The following DIP2C variants were observed in gnomAD, a reference collection of about 807,000 sequenced individuals.
DIP2C encodes the protein disco-interacting protein 2 homolog C.
Under a neutral mutation model 192.4 loss-of-function variants are expected in DIP2C, and 33 were observed. The ratio of observed to expected loss-of-function variants is 0.17; its 90% CI spans 0.13 to 0.23. DIP2C has a LOEUF of 0.23. Among genes scored for constraint, DIP2C ranks in the 10% least tolerant of loss-of-function variants. The pLI, the probability that DIP2C is intolerant of heterozygous loss-of-function variation, is 1.00. For synonymous variants in DIP2C, 979 were observed against 864.1 expected (o/e 1.13, Z -2.33); for missense variants, 1,537 against 2,110.1 (o/e 0.73, Z 5.32).
In DIP2C at chr10:414,745, A is replaced by C. The variant is rs879321009; in HGVS notation, c.860-635T>G. On this transcript the variant is annotated intron_variant, in intron 7 of 36. Transcript: ENST00000280886. ...TGTGTGTGTGTGTGTGTGTGTACAT[A>C]TATATATATATAATGTGTATATATA... 2.2e-4 allele frequency among the ~76,000 whole-genome samples: 20 copies of C among 90,882 alleles called. 1 individual carries two copies. The highest frequency in any genetic ancestry group is 3.4e-4 in the Non-Finnish European group (15 of 43,524). The allele number at this position is 90,882 out of a possible 152,430, so 59.6% of individuals were successfully genotyped here. A position where few individuals can be genotyped will look rare whatever the true frequency, so the allele number is the denominator to read the frequency against.
At chr10:535,464 CA>C in intron 1 of DIP2C, among the ~76,000 whole-genome samples, 1 of 152,208 alleles carries the variant, frequency 6.6e-6, no homozygotes, top group Non-Finnish European at 1.5e-5. Flanking sequence ...AGGAGGCAGA[CA>C]CTTGGCTGTA....
chr10:426,542 G>C (rs1004653186), intron 4 of DIP2C, among the ~76,000 whole-genome samples: 1 of 152,148 alleles, frequency 6.6e-6, no homozygotes, highest in Admixed American at 6.5e-5. Context: ...ACCTACAATA[G>C]CCAAAATAAT....
chr10:364,492 C>T lies in DIP2C; in HGVS notation c.2359G>A (p.Val787Ile), dbSNP rs780374684. The T allele has an allele frequency of 8.7e-6, 14 of 1,614,142 alleles. No homozygotes were observed. Among genetic ancestry groups the T allele is most frequent in the South Asian group, 3.3e-5 (3 of 91,082 alleles). ...CCATCCATCTTGCCCACCACGAAGA[C>T]GAGGCCTCCGGGACCCACGAACCCC... The part of the protein sequence containing the change: ...LLGFVGPGGL[V>I]FVVGKMDGLM... The change falls in exon 20 of 37, where the codon GTC becomes ATC. Residue 787 changes from valine to isoleucine, a missense_variant. Transcript: ENST00000280886.
rs146058368 is a variant in DIP2C at position 417,025 on chromosome 10, A to C, written c.740-1137T>G. On this transcript the variant is annotated intron_variant, in intron 6 of 36. Coordinates refer to ENST00000280886, the MANE Select transcript of DIP2C (RefSeq NM_014974.3). ...GTCTCAAAATGCTCTATAGCACTTT[A>C]AGAATTGAGACATTAAATATTTCAT... 6.3e-3 allele frequency among the ~76,000 whole-genome samples: 963 copies of C among 152,376 alleles called. 3 individuals carry two copies. Among genetic ancestry groups the C allele is most frequent in the East Asian group, 0.014 (72 of 5,190 alleles).
intron 1 of DIP2C, among the ~76,000 whole-genome samples, chr10:647,254 C>T (rs905479695): frequency 2.0e-5 from 3 of 151,708 alleles, no homozygotes; most frequent in African/African-American, 7.3e-5. Flanking sequence ...ACTGAGTCCA[C>T]GTCCACATTG....
intron 1 of DIP2C, among the ~76,000 whole-genome samples, chr10:543,504 C>T (rs1431059997): frequency 6.6e-6 from 1 of 152,216 alleles, no homozygotes; most frequent in African/African-American, 2.4e-5. Context: ...GCAGAGCATT[C>T]AGCTCACGTT....
chr10:299,521 C>T (rs1403813036), intron 32 of DIP2C, among the ~76,000 whole-genome samples: 1 of 152,170 alleles, frequency 6.6e-6, no homozygotes, highest in African/African-American at 2.4e-5. Context: ...GGATCAATGA[C>T]ATAAATGTAA....
chr10:604,885 G>C (rs1450277297), intron 1 of DIP2C, among the ~76,000 whole-genome samples: 1 of 152,176 alleles, frequency 6.6e-6, no homozygotes, highest in East Asian at 1.9e-4. Context: ...ACCTCGGCTG[G>C]GCACCCGAGT....
At chr10:438,076 A>G (rs1967415673) in intron 4 of DIP2C, among the ~76,000 whole-genome samples, 1 of 152,262 alleles carries the variant, frequency 6.6e-6, no homozygotes, top group African/African-American at 2.4e-5. Context: ...CCTGATGAAA[A>G]TTTACAGAAG....
intron 1 of DIP2C, among the ~76,000 whole-genome samples, chr10:570,305 GA>G (rs1401161923): frequency 6.6e-6 from 1 of 152,146 alleles, no homozygotes; most frequent in Non-Finnish European, 1.5e-5. Flanking sequence ...TATGGATCAG[GA>G]AACAGTTTTA....
intron 1 of DIP2C, among the ~76,000 whole-genome samples, chr10:489,339 G>A (rs116662452): frequency 2.1e-3 from 320 of 152,286 alleles, no homozygotes; most frequent in African/African-American, 7.3e-3. Context: ...AATGTTTCCC[G>A]TGCGAATACA....
chr10:682,156 C>T (rs564255474), intron 1 of DIP2C, among the ~76,000 whole-genome samples: 4 of 152,360 alleles, frequency 2.6e-5, no homozygotes, highest in African/African-American at 9.6e-5. Flanking sequence ...CCCAGAGCAA[C>T]GGCCGCTGGA....
chr10:580,370 A>G (rs1399613917), intron 1 of DIP2C, among the ~76,000 whole-genome samples: 1 of 152,190 alleles, frequency 6.6e-6, no homozygotes, highest in Non-Finnish European at 1.5e-5. Flanking sequence ...GTGTGCACAC[A>G]TGTATATATA....
At chr10:513,452 C>G (rs1411558748) in intron 1 of DIP2C, among the ~76,000 whole-genome samples, 1 of 152,210 alleles carries the variant, frequency 6.6e-6, no homozygotes, top group African/African-American at 2.4e-5. Flanking sequence ...TCTCATCCAC[C>G]ACAGCACACT....
chr10:540,414 C>T (rs1847915182), intron 1 of DIP2C, among the ~76,000 whole-genome samples: 2 of 152,244 alleles, frequency 1.3e-5, no homozygotes, highest in Non-Finnish European at 2.9e-5. Context: ...CTTCCCACAT[C>T]TTCAATAGTT....
At chr10:507,391 T>C (rs1845683690) in intron 1 of DIP2C, among the ~76,000 whole-genome samples, 1 of 151,658 alleles carries the variant, frequency 6.6e-6, no homozygotes, top group Admixed American at 6.6e-5. Context: ...ACAGACCTAG[T>C]CACCAGCTGT....
intron 9 of DIP2C, among the ~76,000 whole-genome samples, chr10:407,827 A>G (rs906944672): frequency 2.6e-5 from 4 of 152,076 alleles, no homozygotes; most frequent in Non-Finnish European, 4.4e-5. Flanking sequence ...TATTTTAGAT[A>G]TTAATCTCTG....
chr10:277,075 TG>T lies in DIP2C; in HGVS notation c.*249del. 2.3e-6 allele frequency: 1 copy of T among 426,534 alleles called. No homozygotes were observed. The highest frequency in any genetic ancestry group is 4.1e-6 in the Non-Finnish European group (1 of 244,348). 26.4% of individuals were successfully genotyped at this position (426,534 alleles called of 1,614,324 possible). A position where few individuals can be genotyped will look rare whatever the true frequency, so the allele number is the denominator to read the frequency against. ...AAGAAAAGAAAAGAAAGTTTTGAAATGGGCTTTTCCAACAAACTGAAGGCAG... is the reference window on the plus strand; with the variant it reads ...AAGAAAAGAAAAGAAAGTTTTGAAATGGCTTTTCCAACAAACTGAAGGCAG... On this transcript the variant is annotated 3_prime_UTR_variant, in exon 37 of 37. Coordinates refer to ENST00000280886, the MANE Select transcript of DIP2C (RefSeq NM_014974.3).
intron 17 of DIP2C, among the ~76,000 whole-genome samples, chr10:373,090 G>A (rs1050454513): frequency 2.6e-5 from 4 of 152,322 alleles, no homozygotes; most frequent in Middle Eastern, 3.4e-3. Context: ...CTGCCCAAGT[G>A]GGTGGTGGGG....
Sources: gnomAD v4.1 joint callset for allele counts (sites outside exome capture counted in the v4.1 genomes callset) on GRCh38, gnomAD v4.1.1 for gene constraint, MANE v1.5 for transcripts, NCBI Gene and HGNC (gene_info 2026-07-23, HGNC 2026-07-21) for gene names.